DACT3: variants seen among roughly 807,000 people sequenced by gnomAD.
DACT3 encodes the protein dishevelled binding antagonist of beta catenin 3, also known as dapper homolog 3.
A neutral mutation model predicts 19.6 loss-of-function variants in DACT3; 5 were observed. That is an observed-to-expected ratio of 0.26 (90% CI 0.13 to 0.54). The LOEUF (loss-of-function observed/expected upper bound fraction) is 0.54. Ranked by LOEUF, DACT3 falls within the 20% of genes least tolerant of loss-of-function variation. The pLI, the probability that DACT3 is intolerant of heterozygous loss-of-function variation, is 0.95. For synonymous variants in DACT3, 454 were observed against 428.1 expected (o/e 1.06, Z -0.75); for missense variants, 908 against 927.4 (o/e 0.98, Z 0.27).
intron 2 of DACT3, 24 bp downstream of exon 2, chr19:46,652,955 C>A: frequency 1.9e-6 from 3 of 1,549,596 alleles, no homozygotes; most frequent in Non-Finnish European, 2.6e-6. Context: ...CCCAGGCAAA[C>A]CCTACCCCTC....
At chr19:46,655,970 C>G (rs1490932921) in intron 1 of DACT3, among the ~76,000 whole-genome samples, 1 of 149,972 alleles carries the variant, frequency 6.7e-6, no homozygotes, top group Non-Finnish European at 1.5e-5. Flanking sequence ...TATATATATA[C>G]ACACATATAT....
Position 46,649,143 on chromosome 19 carries a change from G to C in DACT3, c.1229C>G (p.Ser410Trp). The C allele has an allele frequency of 7.9e-7, 1 of 1,259,694 alleles. No individual in the cohort carries two copies. Among genetic ancestry groups the C allele is most frequent in the Non-Finnish European group, 1.0e-6 (1 of 1,004,106 alleles). 78.0% of individuals were successfully genotyped at this position (1,259,694 alleles called of 1,614,324 possible). ...GGCCCTGGGCGAGCCGCGGCGGCCC[G>C]AAGCCTCGGCCATGCGTCCACGGCG... The part of the protein sequence containing the change: ...AGRRGRMAEA[S>W]GRRGSPRARK... Residue 410 changes from serine to tryptophan, a missense_variant, in exon 4 of 4, where the codon TCG (serine) becomes TGG (tryptophan). Physicochemically the swap from Ser to Trp is radical, Grantham distance 177. This residue lies in a region of DACT3 where 656 missense variants were observed against 601.8 expected (regional missense o/e 1.09). Transcript: ENST00000391916.
chr19:46,648,365 G>T lies in DACT3; in HGVS notation c.*117C>A. 4.6e-6 allele frequency: 7 copies of T among 1,537,578 alleles called. No homozygotes were observed. Among genetic ancestry groups the T allele is most frequent in the Non-Finnish European group, 6.2e-6 (7 of 1,131,364 alleles). ...ACTGTTAGGAGTGGGGAGAGTGAGGGGGGTCTTTGGAAGCAGAGAAAACGA... is the reference window on the plus strand; with the variant it reads ...ACTGTTAGGAGTGGGGAGAGTGAGGTGGGTCTTTGGAAGCAGAGAAAACGA... On this transcript the variant is annotated 3_prime_UTR_variant, in exon 4 of 4. Transcript: ENST00000391916. The surrounding 1 kb of genome is among the most constrained non-coding windows in gnomAD (Gnocchi z 5.1).
rs2052955617 is a variant in DACT3, at chr19:46,649,383, G to A, written c.989C>T (p.Ser330Leu). 3.9e-6 allele frequency: 5 copies of A among 1,280,524 alleles called. No individual in the cohort carries two copies. The highest frequency in any genetic ancestry group is 7.4e-5 in the East Asian group (2 of 27,182). The allele number at this position is 1,280,524 out of a possible 1,614,324, so 79.3% of individuals were successfully genotyped here. ...CGCAGCGGGCTCGGGTGCCGCCTCC[G>A]ACTCCCACGACGACGCCCAGGCGCG... ...LSRAWASSWE[S>L]EAAPEPAAPP... is the part of the protein sequence containing the mutation. The change falls in exon 4 of 4, where the codon TCG becomes TTG. Residue 330 changes from serine to leucine, a missense_variant. This residue lies in a region of DACT3 where 656 missense variants were observed against 601.8 expected (regional missense o/e 1.09). Coordinates refer to ENST00000391916, the MANE Select transcript of DACT3 (RefSeq NM_145056.3).
At chr19:46,655,363 G>A (rs1470991828) in intron 1 of DACT3, among the ~76,000 whole-genome samples, 1 of 152,152 alleles carries the variant, frequency 6.6e-6, no homozygotes, top group Non-Finnish European at 1.5e-5. Flanking sequence ...TGTAATCCCA[G>A]CACCTTGGGA....
intron 3 of DACT3, chr19:46,650,918 C>T (rs970574966): frequency 6.6e-6 from 1 of 152,122 alleles, no homozygotes; most frequent in East Asian, 1.9e-4. Context: ...AAGCCCTCCC[C>T]AGCCATATTT....
At chr19:46,652,339 G>A in intron 3 of DACT3, 1 of 391,432 alleles carries the variant, frequency 2.6e-6, no homozygotes, top group Non-Finnish European at 4.5e-6. Flanking sequence ...AATTACAGGT[G>A]TTCGCTACCA....
intron 1 of DACT3, among the ~76,000 whole-genome samples, chr19:46,657,444 C>T (rs1599793305): frequency 6.7e-6 from 1 of 150,230 alleles, no homozygotes; most frequent in Non-Finnish European, 1.5e-5. Context: ...AGCTCCGCCT[C>T]CCGGGTTCAC....
At chr19:46,658,645 A>G (rs968394731) in intron 1 of DACT3, among the ~76,000 whole-genome samples, 7 of 152,118 alleles carry the variant, frequency 4.6e-5, no homozygotes, top group African/African-American at 1.4e-4. Context: ...AAAAGATTAG[A>G]AAGTCCTTGG....
Position 46,652,967 on chromosome 19 carries a change from A to C in DACT3, c.346+12T>G. On this transcript the variant is annotated intron_variant, in intron 2 of 3. Transcript: ENST00000391916. Reference sequence around the variant, plus strand: ...CGTCCCAGGCAAACCCTACCCCTCCATCCATGCTCACCCGAGCTACGCCCG... The same window carrying C: ...CGTCCCAGGCAAACCCTACCCCTCCCTCCATGCTCACCCGAGCTACGCCCG... The C allele has an allele frequency of 6.4e-7, 1 of 1,550,504 alleles. No homozygotes were observed. The highest frequency in any genetic ancestry group is 8.7e-7 in the Non-Finnish European group (1 of 1,146,966).
rs561265359 is a variant in DACT3 at position 46,648,075 on chromosome 19, A to C, written c.*407T>G. On this transcript the variant is annotated 3_prime_UTR_variant, in exon 4 of 4. Transcript: ENST00000391916. The surrounding 1 kb of genome is among the most constrained non-coding windows in gnomAD (Gnocchi z 5.1). ...GAGAGGGGGCCATAGCTGGGCAAGGAAAGGAGGAATGAGAGGGCTCATCAG... is the reference window on the plus strand; with the variant it reads ...GAGAGGGGGCCATAGCTGGGCAAGGCAAGGAGGAATGAGAGGGCTCATCAG... 1 of 193,646 alleles carries C rather than the reference A, an allele frequency of 5.2e-6. No individual in the cohort carries two copies. Among genetic ancestry groups the C allele is most frequent in the East Asian group, 1.6e-4 (1 of 6,278 alleles). 12.0% of individuals were successfully genotyped at this position (193,646 alleles called of 1,614,324 possible). A position where few individuals can be genotyped will look rare whatever the true frequency, so the allele number is the denominator to read the frequency against.
At chr19:46,655,924 TCTATA>T (rs2053029778) in intron 1 of DACT3, among the ~76,000 whole-genome samples, 1 of 109,112 alleles carries the variant, frequency 9.2e-6, no homozygotes, top group Non-Finnish European at 2.2e-5. Context: ...TCTCTCTCTC[TCTATA>T]TATATATATA....
chr19:46,657,789 G>T (rs1481453849), intron 1 of DACT3, among the ~76,000 whole-genome samples: 42 of 151,946 alleles, frequency 2.8e-4, no homozygotes, highest in Non-Finnish European at 5.9e-5. Flanking sequence ...AGTGGCTCAC[G>T]CCTGTAATCC....
intron 1 of DACT3, among the ~76,000 whole-genome samples, chr19:46,653,782 G>A (rs1309755917): frequency 6.6e-6 from 1 of 152,026 alleles, no homozygotes; most frequent in Non-Finnish European, 1.5e-5. Flanking sequence ...TTGAACTCCT[G>A]ACCTCAGGTG....
chr19:46,660,991 G>C lies in DACT3; in HGVS notation c.74C>G (p.Ala25Gly), dbSNP rs1302140261. 3.3e-6 allele frequency: 5 copies of C among 1,538,306 alleles called. No homozygotes were observed. The highest frequency in any genetic ancestry group is 4.4e-6 in the Non-Finnish European group (5 of 1,145,564). Residue 25 changes from alanine to glycine, a missense_variant, in exon 1 of 4, where the codon GCC becomes GGC. By Grantham distance (60) the Ala-to-Gly change is moderately conservative (BLOSUM62 0). Transcript: ENST00000391916. This position sits in a 1 kb window ranked among gnomAD's most constrained non-coding sequence, Gnocchi z 4.9. Reference sequence around the variant, plus strand: ...GAGCCAATGTAACTCGCAGAGCCCGGCCAGGCTACCCTCCAGCCAGCCCCG... The same window carrying C: ...GAGCCAATGTAACTCGCAGAGCCCGCCCAGGCTACCCTCCAGCCAGCCCCG... The part of the protein sequence containing the change: ...RLRGWLEGSL[A>G]GLCELHWLRE...
rs1474952239 is a variant in DACT3, at chr19:46,655,921, C to CTA, written c.250-2847_250-2846insTA. Among the ~76,000 whole-genome samples the CTA allele has an allele frequency of 3.7e-5, 4 of 108,704 alleles. No individual in the cohort carries two copies. In the Admixed American group the frequency reaches 3.8e-4, roughly 10 times the overall value. 71.3% of individuals were successfully genotyped at this position (108,704 alleles called of 152,430 possible). A position where few individuals can be genotyped will look rare whatever the true frequency, so the allele number is the denominator to read the frequency against. ...ACCCAGTCTCTCTCTCTCTCTCTCT[C>CTA]TCTCTATATATATATATATATATAT... On this transcript the variant is annotated intron_variant, in intron 1 of 3. Transcript: ENST00000391916.
rs1313257340 is a variant in DACT3, at chr19:46,649,643, C to T, written c.729G>A (p.Gly243=). The T allele has an allele frequency of 7.8e-6, 9 of 1,148,626 alleles. No individual in the cohort carries two copies. The Middle Eastern group carries it at 1.1e-3, about 139-fold the overall frequency. 71.2% of individuals were successfully genotyped at this position (1,148,626 alleles called of 1,614,324 possible). Residue 243 remains glycine (G), a synonymous_variant, in exon 4 of 4, where the codon GGG becomes GGA. Transcript: ENST00000391916. ...GRPPTDSPDA[G]GAGRPLDGYI... is the part of the protein sequence containing the mutation. ...AGCCGTCCAGGGGCCGCCCTGCGCC[C>T]CCCGCGTCGGGCGAGTCGGTGGGAG...
chr19:46,657,188 A>C (rs1232612277), intron 1 of DACT3, among the ~76,000 whole-genome samples: 2 of 151,984 alleles, frequency 1.3e-5, no homozygotes, highest in Non-Finnish European at 2.9e-5. Context: ...GGAAGTGTTT[A>C]AGGAGGCGTG....
chr19:46,659,538 G>A, intron 1 of DACT3: 1 of 679,778 alleles, frequency 1.5e-6, no homozygotes, highest in Non-Finnish European at 1.8e-6. Flanking sequence ...TTGGGAGGGG[G>A]TGGGGCCTCC....
Sources: gnomAD v4.1 joint callset for allele counts (sites outside exome capture counted in the v4.1 genomes callset) on GRCh38, gnomAD v4.1.1 for gene constraint, gnomAD v4.1.1 regional missense constraint, Gnocchi (gnomAD v3.1) non-coding constraint, MANE v1.5 for transcripts, NCBI Gene and HGNC (gene_info 2026-07-23, HGNC 2026-07-21) for gene names.